NTRK2: variants seen among roughly 807,000 people sequenced by gnomAD.
The protein encoded by NTRK2 is BDNF/NT-3 growth factors receptor.
In NTRK2, 13 loss-of-function variants were observed where a neutral mutation model predicts 94.5. The observed-to-expected ratio is 0.14, with a 90% CI of 0.09 to 0.22. NTRK2 has a LOEUF of 0.22. Ranked by LOEUF, NTRK2 falls within the 10% of genes least tolerant of loss-of-function variation. The pLI is 1.00. For synonymous variants in NTRK2, 372 were observed against 407.4 expected (o/e 0.91, Z 1.05); for missense variants, 639 against 1,071.2 (o/e 0.60, Z 5.63).
At chr9:84,938,887 C>T (rs2078299828) in intron 15 of NTRK2, among the ~76,000 whole-genome samples, 1 of 151,416 alleles carries the variant, frequency 6.6e-6, no homozygotes, top group Non-Finnish European at 1.5e-5. Flanking sequence ...CCCATGTCTA[C>T]AAAAAATACA....
rs1564331020 is a variant in NTRK2, at chr9:84,811,538, C to T, written c.1397-49502C>T. The T allele has an allele frequency of 4.7e-6, 5 of 1,065,134 alleles. No homozygotes were observed. The Admixed American group carries it at 1.6e-4, about 34-fold the overall frequency. The allele number at this position is 1,065,134 out of a possible 1,614,324, so 66.0% of individuals were successfully genotyped here. ...ACAGTATCTCATGCTGTTTGCATTACAGAACTGCAGCTTTTCTACTCTGAA... is the reference window on the plus strand; with the variant it reads ...ACAGTATCTCATGCTGTTTGCATTATAGAACTGCAGCTTTTCTACTCTGAA... On this transcript the variant is annotated intron_variant, in intron 12 of 18. Transcript: ENST00000277120.
intron 12 of NTRK2, chr9:84,813,250 C>A: frequency 1.9e-6 from 2 of 1,046,952 alleles, no homozygotes; most frequent in African/African-American, 3.3e-5. Context: ...GGCCACTGTC[C>A]CCAGCCGCAG....
chr9:84,927,354 T>C (rs1414541827), intron 14 of NTRK2, among the ~76,000 whole-genome samples: 1 of 152,222 alleles, frequency 6.6e-6, no homozygotes, highest in Non-Finnish European at 1.5e-5. Context: ...CTAAAATCTT[T>C]TGTGAATGGA....
At chr9:84,810,983 A>G (rs1209722696) in intron 12 of NTRK2, 13 of 1,085,940 alleles carry the variant, frequency 1.2e-5, no homozygotes, top group Non-Finnish European at 1.5e-5. Flanking sequence ...CTGCAAAGTT[A>G]AAAAAAAATT....
At chr9:84,876,634 A>G in intron 14 of NTRK2, 1 of 1,058,596 alleles carries the variant, frequency 9.4e-7, no homozygotes, top group Non-Finnish European at 1.1e-6. Flanking sequence ...ATCTTTACCC[A>G]CATGATTTTT....
chr9:84,939,324 A>G (rs907257857), intron 15 of NTRK2, among the ~76,000 whole-genome samples: 2 of 152,192 alleles, frequency 1.3e-5, no homozygotes, highest in African/African-American at 4.8e-5. Flanking sequence ...TCCAAAGAAG[A>G]CAAATGACCT....
chr9:84,810,173 T>C (rs1348264195), intron 12 of NTRK2, among the ~76,000 whole-genome samples: 2 of 152,220 alleles, frequency 1.3e-5, no homozygotes, highest in African/African-American at 4.8e-5. Flanking sequence ...TGAACCTATA[T>C]ATAAAAATTC....
intron 12 of NTRK2, among the ~76,000 whole-genome samples, chr9:84,769,834 T>A (rs1354364415): frequency 6.6e-6 from 1 of 152,224 alleles, no homozygotes; most frequent in African/African-American, 2.4e-5. Context: ...AAGTATTGAT[T>A]GCAAACTTAT....
chr9:84,813,938 G>A (rs1423356648), intron 12 of NTRK2: 3 of 1,065,402 alleles, frequency 2.8e-6, no homozygotes, highest in Non-Finnish European at 3.4e-6. Context: ...GCTAGACTAA[G>A]GAATGCATCC....
chr9:84,985,306 G>T (rs1034465984), intron 17 of NTRK2, among the ~76,000 whole-genome samples: 38 of 152,170 alleles, frequency 2.5e-4, no homozygotes, highest in African/African-American at 8.7e-4. Context: ...GGCCTATGTG[G>T]TTGATGTGAC....
chr9:84,716,469 G>A (rs568115849), intron 6 of NTRK2, among the ~76,000 whole-genome samples: 75 of 152,096 alleles, frequency 4.9e-4, no homozygotes, highest in Non-Finnish European at 5.2e-4. Context: ...TCTTTTGTTC[G>A]TGTTGAACCA....
At chr9:84,876,533 T>C (rs2076073779) in intron 14 of NTRK2, 1 of 1,055,916 alleles carries the variant, frequency 9.5e-7, no homozygotes. Context: ...AGAACTCATG[T>C]TCTTACCTTC....
At chr9:84,927,399 G>T (rs1034023668) in intron 14 of NTRK2, among the ~76,000 whole-genome samples, 2 of 151,920 alleles carry the variant, frequency 1.3e-5, no homozygotes, top group Non-Finnish European at 2.9e-5. Flanking sequence ...AAAGATATAA[G>T]TACATGGGTT....
intron 12 of NTRK2, chr9:84,813,651 G>A: frequency 9.4e-7 from 1 of 1,066,084 alleles, no homozygotes; most frequent in Non-Finnish European, 1.1e-6. Flanking sequence ...CCTTTGCTGG[G>A]AATTCTGCAC....
chr9:84,742,789 GTTTTTTTTTTTT>G (rs757253032), intron 10 of NTRK2, among the ~76,000 whole-genome samples: 1,078 of 103,690 alleles, frequency 0.01, 29 homozygotes, highest in East Asian at 0.055. Context: ...CATTATATTA[GTTTTTTTTTTTT>G]TTTTTTTTTT....
intron 12 of NTRK2, among the ~76,000 whole-genome samples, chr9:84,826,513 C>T (rs2073199453): frequency 6.6e-6 from 1 of 152,146 alleles, no homozygotes; most frequent in Non-Finnish European, 1.5e-5. Context: ...TCTTTTTTTA[C>T]AGGCCACCAT....
chr9:84,793,929 G>A (rs1171751192), intron 12 of NTRK2, among the ~76,000 whole-genome samples: 1 of 152,168 alleles, frequency 6.6e-6, no homozygotes, highest in Admixed American at 6.5e-5. Flanking sequence ...AGCACATATC[G>A]AAGGCAGAAC....
At chr9:84,797,543 ATATATATATTATATATACTATATAT>A (rs1564296379) in intron 12 of NTRK2, among the ~76,000 whole-genome samples, 8 of 66,306 alleles carry the variant, frequency 1.2e-4, no homozygotes, top group Non-Finnish European at 1.6e-4. Flanking sequence ...TGTATATATA[ATATATATATTATATATACTATATAT>A]TATATATATT....
chr9:84,872,798 A>G (rs974397203), intron 14 of NTRK2: 6 of 1,064,548 alleles, frequency 5.6e-6, no homozygotes, highest in Non-Finnish European at 6.8e-6. Context: ...ACAGATTCAT[A>G]GGCCAGCTAG....
Sources: allele counts gnomAD v4.1 joint callset (sites outside exome capture counted in the v4.1 genomes callset), GRCh38; gene constraint gnomAD v4.1.1; transcripts MANE v1.5; gene names NCBI Gene and HGNC (gene_info 2026-07-23, HGNC 2026-07-21).